STS: variants seen among roughly 807,000 people sequenced by gnomAD.
STS encodes the protein steroid sulfatase.
STS carries 7 observed loss-of-function variants against 26.8 expected under a neutral mutation model. The ratio of observed to expected loss-of-function variants is 0.26; its 90% confidence interval spans 0.15 to 0.49. The LOEUF is 0.49. Among genes scored for constraint, STS ranks in the 20% least tolerant of loss-of-function variants. The pLI is 0.98. For missense variants in STS, 434 were observed against 465.6 expected, an observed-to-expected ratio of 0.93 and a Z score of 0.63; for synonymous variants, 199 against 189.4, an observed-to-expected ratio of 1.05 and a Z score of -0.42.
At chrX:7,150,231 T>C (rs748499450) in intron 1 of STS, among the ~76,000 whole-genome samples, 2 of 111,956 alleles carry the variant, frequency 1.8e-5, no homozygotes, top group South Asian at 7.5e-4. Flanking sequence ...TTTTTCTTTC[T>C]TCTTTTATGA....
chrX:7,333,559 C>G (rs973107028), intron 9 of STS, among the ~76,000 whole-genome samples: 1 of 112,080 alleles, frequency 8.9e-6, no homozygotes, highest in African/African-American at 3.2e-5. Context: ...GTCAGGTGCC[C>G]ATCTTTTCAG....
At chrX:7,259,886 G>GT in intron 6 of STS, 114 bp downstream of exon 6, 1 of 969,823 alleles carries the variant, frequency 1.0e-6, no homozygotes, top group Non-Finnish European at 1.4e-6. Flanking sequence ...TGGTTTGTTC[G>GT]TTTTTTTGAG....
In STS at chrX:7,344,685, C is replaced by T. The variant is rs138936125; in HGVS notation, c.1364-5203C>T. On this transcript the variant is annotated intron_variant, in intron 10 of 10. Transcript: ENST00000674429. ...TGAATTACTCAGGGTTTATTATCCCCAAAAAGGAGGTGTAGTCTTGTTTTT... is the reference window on the plus strand; with the variant it reads ...TGAATTACTCAGGGTTTATTATCCCTAAAAAGGAGGTGTAGTCTTGTTTTT... Among the ~76,000 whole-genome samples the T allele has an allele frequency of 2.0e-3, 228 of 111,670 alleles. 1 individual carries two copies. The highest frequency in any genetic ancestry group is 6.6e-3 in the African/African-American group (204 of 30,748).
At chrX:7,153,043 G>C (rs975100459) in intron 1 of STS, among the ~76,000 whole-genome samples, 2 of 111,864 alleles carry the variant, frequency 1.8e-5, no homozygotes, top group Non-Finnish European at 3.8e-5. Flanking sequence ...GAAGCATGTG[G>C]TCAGACCTTA....
intron 8 of STS, among the ~76,000 whole-genome samples, chrX:7,306,030 G>A (rs939827596): frequency 3.6e-5 from 4 of 111,541 alleles, no homozygotes; most frequent in Non-Finnish European, 7.5e-5. Context: ...TTTTTTTGCA[G>A]CATTAGCTGA....
chrX:7,178,390 A>T (rs1157137443), intron 1 of STS, among the ~76,000 whole-genome samples: 1 of 111,796 alleles, frequency 8.9e-6, no homozygotes, highest in Non-Finnish European at 1.9e-5. Context: ...AGAGGAAAAG[A>T]TGTTTAGCTG....
At chrX:7,266,587 C>T (rs1476006360) in intron 6 of STS, among the ~76,000 whole-genome samples, 3 of 112,082 alleles carry the variant, frequency 2.7e-5, no homozygotes, top group Non-Finnish European at 5.6e-5. Context: ...GGATAATTAG[C>T]TCACCATATG....
intron 10 of STS, among the ~76,000 whole-genome samples, chrX:7,335,551 T>C (rs1213448020): frequency 3.1e-4 from 35 of 112,143 alleles, no homozygotes; most frequent in African/African-American, 9.4e-4. Flanking sequence ...TCTCCCATTC[T>C]GTAGGTTGCC....
chrX:7,150,909 A>T (rs753838944), intron 1 of STS, among the ~76,000 whole-genome samples: 29 of 112,322 alleles, frequency 2.6e-4, no homozygotes, highest in African/African-American at 8.1e-4. Flanking sequence ...GCTGATGGGG[A>T]TGCATTTCCT....
intron 9 of STS, among the ~76,000 whole-genome samples, chrX:7,330,347 A>G (rs1455911198): frequency 1.8e-5 from 2 of 111,999 alleles, no homozygotes; most frequent in Non-Finnish European, 3.8e-5. Flanking sequence ...AACATCAGTA[A>G]TAGAGAATGG....
chrX:7,326,526 C>T (rs1279655214), intron 9 of STS, among the ~76,000 whole-genome samples: 3 of 111,593 alleles, frequency 2.7e-5, no homozygotes, highest in Non-Finnish European at 3.8e-5. Context: ...GAAATGCAGC[C>T]GGGTCCCCAG....
chrX:7,308,947 AT>A lies in STS; in HGVS notation c.1081+3765del, dbSNP rs1408218018. Among the ~76,000 whole-genome samples, 6 of 111,882 alleles carry A rather than the reference AT, an allele frequency of 5.4e-5. No individual in the cohort carries two copies. The East Asian group carries it at 1.7e-3, about 32-fold the overall frequency. On this transcript the variant is annotated intron_variant, in intron 8 of 10. Coordinates refer to ENST00000674429, the MANE Select transcript of STS (RefSeq NM_001320752.2). ...GATTTAACACCCTGTTTAAAATAGC[AT>A]CCTTTCTAAACAATGATGACTTCTA...
At chrX:7,276,149 T>G in intron 7 of STS, 62 bp downstream of exon 7, 4 of 1,174,977 alleles carry the variant, frequency 3.4e-6, no homozygotes, top group Non-Finnish European at 4.6e-6. Flanking sequence ...TGTGTTTTCT[T>G]TCCTGTGTAT....
chrX:7,338,571 A>G (rs1361262489), intron 10 of STS, among the ~76,000 whole-genome samples: 1 of 111,761 alleles, frequency 8.9e-6, no homozygotes, highest in Non-Finnish European at 1.9e-5. Flanking sequence ...GGGCACCAAT[A>G]CCATTATTTC....
intron 6 of STS, among the ~76,000 whole-genome samples, chrX:7,270,500 C>G (rs1924215081): frequency 8.9e-6 from 1 of 111,867 alleles, no homozygotes; most frequent in Non-Finnish European, 1.9e-5. Flanking sequence ...CACTTCTGTT[C>G]CTGAATGGTA....
intron 1 of STS, among the ~76,000 whole-genome samples, chrX:7,166,064 G>C (rs367553875): frequency 4.8e-5 from 5 of 104,988 alleles, no homozygotes; most frequent in African/African-American, 1.8e-4. Context: ...CTGTAGTGCA[G>C]TGGCGTGATT....
chrX:7,200,026 C>T (rs1396485431), intron 2 of STS, among the ~76,000 whole-genome samples: 2 of 104,814 alleles, frequency 1.9e-5, no homozygotes, highest in Non-Finnish European at 3.9e-5. Context: ...ACAAACCACA[C>T]ATTTGAAGTA....
intron 1 of STS, among the ~76,000 whole-genome samples, chrX:7,150,834 A>G (rs761535544): frequency 3.6e-5 from 4 of 112,231 alleles, no homozygotes; most frequent in Non-Finnish European, 7.5e-5. Flanking sequence ...TGGTTTGTAC[A>G]CATATAACAA....
chrX:7,148,721 T>C (rs1875619504), intron 1 of STS, among the ~76,000 whole-genome samples: 1 of 112,122 alleles, frequency 8.9e-6, no homozygotes, highest in Non-Finnish European at 1.9e-5. Context: ...CAGCCGCGCA[T>C]GCGCAGTGTG....
Sources: gnomAD v4.1 joint callset for allele counts (sites outside exome capture counted in the v4.1 genomes callset) on GRCh38, gnomAD v4.1.1 for gene constraint, MANE v1.5 for transcripts, NCBI Gene and HGNC (gene_info 2026-07-23, HGNC 2026-07-21) for gene names.